The following DNAH12 variants were observed in gnomAD, a reference collection of about 807,000 sequenced individuals.
The protein encoded by DNAH12 is dynein axonemal heavy chain 12.
In DNAH12, 285 loss-of-function variants were observed where a neutral mutation model predicts 371.5. The ratio of observed to expected loss-of-function variants is 0.77; its 90% CI spans 0.70 to 0.85. The LOEUF is 0.85. Ranked by LOEUF, DNAH12 falls within the 40% of genes least tolerant of loss-of-function variation. The probability of loss-of-function intolerance (pLI) is 0.00; values close to 1 mark genes in which losing one functional copy is unlikely to be tolerated. For missense variants in DNAH12, 3,611 were observed against 3,689.4 expected (o/e 0.98, Z 0.55); for synonymous variants, 1,200 against 1,213.0 (o/e 0.99, Z 0.22).
At position 57,305,513 on chromosome 3, in the gene DNAH12, G is replaced by A. The variant is rs189624152; in HGVS notation, c.11190-3574C>T. On this transcript the variant is annotated intron_variant, in intron 69 of 73. Coordinates refer to ENST00000495027, the MANE Select transcript of DNAH12 (RefSeq NM_001366028.2). Reference sequence around the variant, plus strand: ...CCAGCAATTTACTCTTAAAAAGGTGGCTGGAGCTAAAGACATAGTCAAGGT... The same window carrying A: ...CCAGCAATTTACTCTTAAAAAGGTGACTGGAGCTAAAGACATAGTCAAGGT... Among the ~76,000 whole-genome samples, 172 of 152,136 alleles carry A rather than the reference G, an allele frequency of 1.1e-3. 1 individual carries two copies. Among genetic ancestry groups the A allele is most frequent in the African/African-American group, 3.5e-3 (146 of 41,486 alleles).
rs564544771 is a variant in DNAH12 at position 57,427,138 on chromosome 3, A to ATGTGATGTGTGTGTGTGTG, written c.5253+1494_5253+1495insCACACACACACACATCACA. Among the ~76,000 whole-genome samples the ATGTGATGTGTGTGTGTGTG allele has an allele frequency of 1.4e-3, 193 of 138,852 alleles. 2 individuals are homozygous for ATGTGATGTGTGTGTGTGTG. The highest frequency in any genetic ancestry group is 5.1e-3 in the African/African-American group (184 of 36,006). The allele number at this position is 138,852 out of a possible 152,430, so 91.1% of individuals were successfully genotyped here. On this transcript the variant is annotated intron_variant, in intron 34 of 73. Coordinates refer to ENST00000495027, the MANE Select transcript of DNAH12 (RefSeq NM_001366028.2). ...ATATTTATTTATATGTAAGAAGCGA[A>ATGTGATGTGTGTGTGTGTG]TGTGTGTGTGTGTGTGTGTGTGTGT... is the stretch of plus-strand genomic sequence containing the variant.
chr3:57,458,017 T>G lies in DNAH12; in HGVS notation c.3054-14A>C. On this transcript the variant is annotated splice_polypyrimidine_tract_variant and intron_variant, in intron 21 of 73. Coordinates refer to ENST00000495027, the MANE Select transcript of DNAH12 (RefSeq NM_001366028.2). ...AAGAAGAAAAAACTAGGGAAAAACA[T>G]GCAAATACAAAAGTTTTAGTTATAA... is the stretch of plus-strand genomic sequence containing the variant. 1 of 1,542,412 alleles carries G rather than the reference T, an allele frequency of 6.5e-7. No homozygotes were observed. The highest frequency in any genetic ancestry group is 8.7e-7 in the Non-Finnish European group (1 of 1,142,870).
rs576833425 is a variant in DNAH12, at chr3:57,516,496, A to G, written c.280-5517T>C. Among the ~76,000 whole-genome samples the G allele has an allele frequency of 9.2e-5, 14 of 152,212 alleles. No individual in the cohort carries two copies. The East Asian group carries it at 2.7e-3, about 29-fold the overall frequency. On this transcript the variant is annotated intron_variant, in intron 4 of 73. Coordinates refer to ENST00000495027, the MANE Select transcript of DNAH12 (RefSeq NM_001366028.2). ...CTTCCCTCCTCTCTAGATGATCTTA[A>G]TAATAAGTGTCGCCAATTACCCTGC...
chr3:57,311,918 A>G (rs2107681190), intron 66 of DNAH12, among the ~76,000 whole-genome samples: 1 of 152,292 alleles, frequency 6.6e-6, no homozygotes. Flanking sequence ...CATAGTTTTT[A>G]TATTGTCTTA....
At chr3:57,393,208 G>A (rs2063661870) in intron 44 of DNAH12, among the ~76,000 whole-genome samples, 5 of 152,302 alleles carry the variant, frequency 3.3e-5, no homozygotes, top group Admixed American at 3.3e-4. Context: ...GAAAGTGTGA[G>A]TCCTTTTCAC....
intron 13 of DNAH12, 145 bp from the exon 14 acceptor site, chr3:57,472,816 C>A (rs749346156): frequency 1.2e-6 from 1 of 811,196 alleles, no homozygotes; most frequent in Non-Finnish European, 1.9e-6. Context: ...ATCACCCAAA[C>A]CAGATGGGTA....
chr3:57,534,119 G>C (rs1006314033), intron 2 of DNAH12, among the ~76,000 whole-genome samples: 2 of 152,154 alleles, frequency 1.3e-5, no homozygotes, highest in African/African-American at 4.8e-5. Flanking sequence ...GTTCAGCTCA[G>C]TTTTGCTTTC....
chr3:57,514,496 A>T lies in DNAH12; in HGVS notation c.280-3517T>A, dbSNP rs951874044. 2.2e-4 allele frequency among the ~76,000 whole-genome samples: 33 copies of T among 152,214 alleles called. 1 individual carries two copies. Among genetic ancestry groups the T allele is most frequent in the South Asian group, 4.1e-4 (2 of 4,828 alleles). ...AAGAAAACATACCTGTTCATTTTTT[A>T]AAAAAATTAAACACAGGAAGGATAA... On this transcript the variant is annotated intron_variant, in intron 4 of 73. Coordinates refer to ENST00000495027, the MANE Select transcript of DNAH12 (RefSeq NM_001366028.2).
In DNAH12 at chr3:57,445,274, G is replaced by A. The variant is rs776905251; in HGVS notation, c.4325C>T (p.Ser1442Leu). The stretch of plus-strand genomic sequence containing the variant: ...CATTCCATAGTCGTAATGAAATTGC[G>A]ATGAGAGCTGCTCTGAGCAAAGCCT... ...TYRLCSEQLS[S>L]QFHYDYGMRA... Residue 1442 changes from serine to leucine, a missense_variant, in exon 28 of 74, where the codon TCG (serine) becomes TTG (leucine). By Grantham distance (145) the Ser-to-Leu change is moderately radical (BLOSUM62 -2). Around this residue, in one of 3 missense-constraint regions of DNAH12, gnomAD observed 2,266 missense variants for 2,236.9 expected, o/e 1.01. Transcript: ENST00000495027. 144 of 1,551,336 alleles carry A rather than the reference G, an allele frequency of 9.3e-5. No individual in the cohort carries two copies. Among genetic ancestry groups the A allele is most frequent in the East Asian group, 2.4e-4 (10 of 40,892 alleles).
chr3:57,432,233 G>A (rs914969473), intron 32 of DNAH12, among the ~76,000 whole-genome samples: 4 of 143,858 alleles, frequency 2.8e-5, no homozygotes, highest in Non-Finnish European at 6.0e-5. Context: ...GCAGTGGTGT[G>A]ATCTCGGTTA....
At chr3:57,402,113 G>T (rs1400549917) in intron 43 of DNAH12, among the ~76,000 whole-genome samples, 1 of 152,174 alleles carries the variant, frequency 6.6e-6, no homozygotes, top group African/African-American at 2.4e-5. Flanking sequence ...CCTCTAAAGT[G>T]TAAGCAGAAA....
chr3:57,452,799 A>G (rs1307451504), intron 25 of DNAH12, 44 bp downstream of exon 25: 1 of 1,499,762 alleles, frequency 6.7e-7, no homozygotes, highest in Non-Finnish European at 8.9e-7. Flanking sequence ...GCTACAGCAA[A>G]AAGTAATTAT....
Position 57,461,477 on chromosome 3 carries a change from C to T in DNAH12, c.2736+12G>A. Reference sequence around the variant, plus strand: ...ATAAATGACCAAGAGCTGATTATCACATTTAACATACCTTGATCTCATGTT... The same window carrying T: ...ATAAATGACCAAGAGCTGATTATCATATTTAACATACCTTGATCTCATGTT... On this transcript the variant is annotated intron_variant, in intron 19 of 73. Coordinates refer to ENST00000495027, the MANE Select transcript of DNAH12 (RefSeq NM_001366028.2). 1 of 1,550,788 alleles carries T rather than the reference C, an allele frequency of 6.4e-7. No individual in the cohort carries two copies. The highest frequency in any genetic ancestry group is 1.2e-5 in the South Asian group (1 of 84,032).
chr3:57,468,435 C>A (rs1365003988), intron 17 of DNAH12, among the ~76,000 whole-genome samples: 2 of 151,986 alleles, frequency 1.3e-5, no homozygotes, highest in Non-Finnish European at 2.9e-5. Context: ...CCAGCCTGGG[C>A]AACACAGCAA....
rs1440503843 is a variant in DNAH12 at position 57,425,122 on chromosome 3, T to C, written c.5273A>G (p.Asn1758Ser). ...TGTGAGAGATACAACCACGTTGCTGTTGCTTGTAGGAATCAGTTCCTGCAA... is the reference window on the plus strand; with the variant it reads ...TGTGAGAGATACAACCACGTTGCTGCTGCTTGTAGGAATCAGTTCCTGCAA... ...KKCKELIPTSNSNVVVSLTRL... is the reference protein window; with the variant it reads ...KKCKELIPTSSSNVVVSLTRL... Residue 1758 changes from asparagine (N) to serine (S), a missense_variant, in exon 35 of 74, where the codon AAC (asparagine) becomes AGC (serine). Around this residue, in one of 3 missense-constraint regions of DNAH12, gnomAD observed 2,266 missense variants for 2,236.9 expected, o/e 1.01. Transcript: ENST00000495027. 2 of 702,488 alleles carry C rather than the reference T, an allele frequency of 2.8e-6. No individual in the cohort carries two copies. The highest frequency in any genetic ancestry group is 5.2e-6 in the Non-Finnish European group (2 of 384,796). The allele number at this position is 702,488 out of a possible 1,614,324, so 43.5% of individuals were successfully genotyped here. A position where few individuals can be genotyped will look rare whatever the true frequency, so the allele number is the denominator to read the frequency against.
chr3:57,487,376 A>AGG (rs200970239), intron 12 of DNAH12, among the ~76,000 whole-genome samples: 1,345 of 22,182 alleles, frequency 0.061, 22 homozygotes, highest in African/African-American at 0.14. Flanking sequence ...AAAGAAAGAA[A>AGG]AAAAAAAAGA....
At chr3:57,351,448 C>G (rs1482753964) in intron 60 of DNAH12, among the ~76,000 whole-genome samples, 1 of 152,132 alleles carries the variant, frequency 6.6e-6, no homozygotes, top group Non-Finnish European at 1.5e-5. Context: ...CATGTGCCCT[C>G]TACATTTATA....
intron 13 of DNAH12, among the ~76,000 whole-genome samples, chr3:57,480,414 T>C (rs1238818217): frequency 6.6e-6 from 1 of 151,814 alleles, no homozygotes; most frequent in Non-Finnish European, 1.5e-5. Context: ...GGCTCTGAAA[T>C]TGAGGCAATA....
At chr3:57,413,097 A>G (rs1191450392) in intron 39 of DNAH12, among the ~76,000 whole-genome samples, 1 of 152,226 alleles carries the variant, frequency 6.6e-6, no homozygotes, top group Non-Finnish European at 1.5e-5. Flanking sequence ...ACTGAATGTT[A>G]CTCAGTGCTA....
Sources: gnomAD v4.1 joint callset for allele counts (sites outside exome capture counted in the v4.1 genomes callset) on GRCh38, gnomAD v4.1.1 for gene constraint, gnomAD v4.1.1 regional missense constraint, MANE v1.5 for transcripts, NCBI Gene and HGNC (gene_info 2026-07-23, HGNC 2026-07-21) for gene names.